TMEM41B: variants seen among roughly 807,000 people sequenced by gnomAD.
TMEM41B encodes the protein transmembrane protein 41B.
TMEM41B carries 18 observed loss-of-function variants against 31.9 expected under a neutral mutation model. That is an observed-to-expected ratio of 0.56 (90% confidence interval 0.39 to 0.84). The LOEUF (loss-of-function observed/expected upper bound fraction) is 0.84, where lower values mean the gene tolerates loss of function less well. TMEM41B is among the 40% of genes least tolerant of loss of function. The pLI, the probability that TMEM41B is intolerant of heterozygous loss-of-function variation, is 0.00. For missense variants in TMEM41B, 322 were observed against 348.0 expected (o/e 0.93, Z 0.59); for synonymous variants, 144 against 124.3 (o/e 1.16, Z -1.05).
At position 9,295,306 on chromosome 11, in the gene TMEM41B, G is replaced by A. The variant is rs1324542444; in HGVS notation, c.321C>T (p.Asp107=). 6.3e-7 allele frequency: 1 copy of A among 1,592,056 alleles called. No homozygotes were observed. The highest frequency in any genetic ancestry group is 8.6e-7 in the Non-Finnish European group (1 of 1,164,818). The change falls in exon 3 of 7, where the codon GAC becomes GAT. Residue 107 remains aspartate, a synonymous_variant. Coordinates refer to ENST00000528080, the MANE Select transcript of TMEM41B (RefSeq NM_015012.4). ...CTACAAGTACTTGAACATAAAAGGT[G>A]TCCTTGTATTTGGATAAAACTTTTC... ...ALGKVLSKYK[D]TFYVQVLVAY...
chr11:9,289,132 T>C (rs1409397188), intron 3 of TMEM41B, among the ~76,000 whole-genome samples: 1 of 152,104 alleles, frequency 6.6e-6, no homozygotes, highest in African/African-American at 2.4e-5. Context: ...GCCTTGCAAG[T>C]AGTTGGGATC....
chr11:9,311,795 C>G, intron 1 of TMEM41B: 1 of 564,932 alleles, frequency 1.8e-6, no homozygotes. Flanking sequence ...CTTCATCATG[C>G]AAAAATTAGA....
At chr11:9,287,663 C>T in intron 5 of TMEM41B, 39 bp downstream of exon 5, 1 of 1,445,670 alleles carries the variant, frequency 6.9e-7, no homozygotes, top group South Asian at 1.2e-5. Flanking sequence ...TTCCAATTAA[C>T]AAAGAGTTAC....
rs1319754894 is a variant in TMEM41B at position 9,314,574 on chromosome 11, C to T, written c.-133G>A. The T allele has an allele frequency of 1.5e-6, 2 of 1,311,750 alleles. No individual in the cohort carries two copies. Among genetic ancestry groups the T allele is most frequent in the South Asian group, 1.5e-5 (1 of 66,540 alleles). 81.3% of individuals were successfully genotyped at this position (1,311,750 alleles called of 1,614,324 possible). On this transcript the variant is annotated 5_prime_UTR_variant, in exon 1 of 7. Transcript: ENST00000528080. ...GCGCGACCTCCTCACCCGAGACGAC[C>T]TCAGCCCAGCGAGTACTGCAACCTC... is the stretch of plus-strand genomic sequence containing the variant.
chr11:9,281,280 T>C lies in TMEM41B; in HGVS notation c.*2144A>G, dbSNP rs922182251. ...CCAAAAAGGCTATGTTTAATTTATG[T>C]GTAAAAATAACAAAAGATGTATCAG... On this transcript the variant is annotated 3_prime_UTR_variant, in exon 7 of 7. Coordinates refer to ENST00000528080, the MANE Select transcript of TMEM41B (RefSeq NM_015012.4). 2 of 152,182 alleles carry C rather than the reference T, an allele frequency of 1.3e-5. No individual in the cohort carries two copies. Among genetic ancestry groups the C allele is most frequent in the African/African-American group, 4.8e-5 (2 of 41,444 alleles). The allele number at this position is 152,182 out of a possible 1,614,324, so 9.4% of individuals were successfully genotyped here.
chr11:9,285,153 C>T (rs963683364), intron 6 of TMEM41B, among the ~76,000 whole-genome samples: 1 of 144,778 alleles, frequency 6.9e-6, no homozygotes, highest in Non-Finnish European at 1.5e-5. Flanking sequence ...GGCACAATCT[C>T]GGTTCACTGC....
chr11:9,312,839 G>A (rs1323320557), intron 1 of TMEM41B, among the ~76,000 whole-genome samples: 2 of 148,060 alleles, frequency 1.4e-5, no homozygotes, highest in African/African-American at 5.0e-5. Flanking sequence ...AGGAGGCGGA[G>A]CTTGCAGTGA....
intron 2 of TMEM41B, among the ~76,000 whole-genome samples, chr11:9,298,673 C>G (rs550871754): frequency 6.7e-6 from 1 of 150,032 alleles, no homozygotes; most frequent in East Asian, 2.0e-4. Flanking sequence ...GACTGAGGCA[C>G]AAAAATCCTT....
In TMEM41B at chr11:9,288,299, C is replaced by T. The variant is rs973559046; in HGVS notation, c.462+143G>A. Reference sequence around the variant, plus strand: ...TCTGGGGGAAAAACAAATTATAACACCTCCTTGTGGAGGGACTTTAACATT... The same window carrying T: ...TCTGGGGGAAAAACAAATTATAACATCTCCTTGTGGAGGGACTTTAACATT... On this transcript the variant is annotated intron_variant, in intron 4 of 6. Coordinates refer to ENST00000528080, the MANE Select transcript of TMEM41B (RefSeq NM_015012.4). The T allele has an allele frequency of 5.1e-6, 3 of 583,126 alleles. No individual in the cohort carries two copies. The African/African-American group carries it at 5.8e-5, about 11-fold the overall frequency. The allele number at this position is 583,126 out of a possible 1,614,324, so 36.1% of individuals were successfully genotyped here.
Position 9,281,197 on chromosome 11 carries a change from A to G in TMEM41B, c.*2227T>C. On this transcript the variant is annotated 3_prime_UTR_variant, in exon 7 of 7. Coordinates refer to ENST00000528080, the MANE Select transcript of TMEM41B (RefSeq NM_015012.4). ...CTGAGTCTAAGCTCTTTTATTTTTA[A>G]AATTCTGATAAAAATTTACTCAATT... is the stretch of plus-strand genomic sequence containing the variant. The G allele has an allele frequency of 6.6e-6, 1 of 152,204 alleles. No individual in the cohort carries two copies. The highest frequency in any genetic ancestry group is 1.9e-4 in the East Asian group (1 of 5,198). 9.4% of individuals were successfully genotyped at this position (152,204 alleles called of 1,614,324 possible).
intron 1 of TMEM41B, 122 bp downstream of exon 1, chr11:9,314,199 C>T: frequency 7.7e-7 from 1 of 1,297,682 alleles, no homozygotes; most frequent in Non-Finnish European, 1.0e-6. Flanking sequence ...TCTGCTCCCG[C>T]CGCGGCGCCA....
intron 3 of TMEM41B, among the ~76,000 whole-genome samples, chr11:9,289,874 T>C (rs1852915211): frequency 6.6e-6 from 1 of 152,188 alleles, no homozygotes; most frequent in African/African-American, 2.4e-5. Context: ...CTCTTGAAAT[T>C]TCTCTAACAT....
At position 9,281,029 on chromosome 11, in the gene TMEM41B, C is replaced by G. The variant is rs1852708311; in HGVS notation, c.*2395G>C. The G allele has an allele frequency of 6.6e-6, 1 of 151,824 alleles. No homozygotes were observed. The highest frequency in any genetic ancestry group is 2.1e-4 in the South Asian group (1 of 4,824). 9.4% of individuals were successfully genotyped at this position (151,824 alleles called of 1,614,324 possible). On this transcript the variant is annotated 3_prime_UTR_variant, in exon 7 of 7. Coordinates refer to ENST00000528080, the MANE Select transcript of TMEM41B (RefSeq NM_015012.4). ...TCTTAGGAGAAGAAAATATACCCCA[C>G]CTAAAGTCGCAGCTACCATTAACAA... is the stretch of plus-strand genomic sequence containing the variant.
intron 6 of TMEM41B, 104 bp from the exon 7 acceptor site, chr11:9,283,697 C>A: frequency 1.0e-6 from 1 of 972,904 alleles, no homozygotes; most frequent in Non-Finnish European, 1.5e-6. Flanking sequence ...ACAGCTATTT[C>A]CATTTTGGAA....
chr11:9,299,802 T>C, intron 1 of TMEM41B, 101 bp from the exon 2 acceptor site: 1 of 878,138 alleles, frequency 1.1e-6, no homozygotes, highest in South Asian at 1.5e-5. Flanking sequence ...GCGTGTGCTT[T>C]TGCCTAAAAT....
chr11:9,283,236 T>C lies in TMEM41B; in HGVS notation c.*188A>G, dbSNP rs1852761631. The C allele has an allele frequency of 5.7e-6, 3 of 527,396 alleles. No homozygotes were observed. The highest frequency in any genetic ancestry group is 9.9e-6 in the Non-Finnish European group (3 of 304,188). The allele number at this position is 527,396 out of a possible 1,614,324, so 32.7% of individuals were successfully genotyped here. A position where few individuals can be genotyped will look rare whatever the true frequency, so the allele number is the denominator to read the frequency against. On this transcript the variant is annotated 3_prime_UTR_variant, in exon 7 of 7. Transcript: ENST00000528080. ...ACTATTGATAGCACTTTTCACAGTA[T>C]ACCAATTTCCATTTTTACTTTCTTC...
intron 3 of TMEM41B, among the ~76,000 whole-genome samples, chr11:9,290,304 GA>G (rs767971076): frequency 1.3e-5 from 2 of 152,156 alleles, no homozygotes; most frequent in Non-Finnish European, 2.9e-5. Flanking sequence ...TTGAACCCAG[GA>G]AGCAGGAGAT....
intron 4 of TMEM41B, 93 bp from the exon 5 acceptor site, chr11:9,287,899 T>A: frequency 3.2e-6 from 3 of 923,762 alleles, no homozygotes; most frequent in Non-Finnish European, 5.0e-6. Context: ...TTAATTTACT[T>A]CTTTCAGAGG....
At chr11:9,309,017 G>A (rs1853466872) in intron 1 of TMEM41B, among the ~76,000 whole-genome samples, 1 of 152,118 alleles carries the variant, frequency 6.6e-6, no homozygotes, top group African/African-American at 2.4e-5. Context: ...GGAGGCCAAG[G>A]CGGGTGAATT....
Sources: gnomAD v4.1 joint callset for allele counts (sites outside exome capture counted in the v4.1 genomes callset) on GRCh38, gnomAD v4.1.1 for gene constraint, MANE v1.5 for transcripts, NCBI Gene and HGNC (gene_info 2026-07-23, HGNC 2026-07-21) for gene names.